The following MOB3B variants were observed in gnomAD, a reference collection of about 807,000 sequenced individuals.
MOB3B encodes the protein MOB kinase activator-like 2B.
In MOB3B, 7 loss-of-function variants were observed where a neutral mutation model predicts 18.7. The ratio of observed to expected loss-of-function variants is 0.37; its 90% CI spans 0.21 to 0.70. The LOEUF (loss-of-function observed/expected upper bound fraction) is 0.70, where lower values mean the gene tolerates loss of function less well. Ranked by LOEUF, MOB3B falls within the 30% of genes least tolerant of loss-of-function variation. The pLI, the probability that MOB3B is intolerant of heterozygous loss-of-function variation, is 0.52. For missense variants in MOB3B, 253 were observed against 281.3 expected, an observed-to-expected ratio of 0.90 and a Z score of 0.72; for synonymous variants, 111 against 99.9, an observed-to-expected ratio of 1.11 and a Z score of -0.66.
intron 1 of MOB3B, among the ~76,000 whole-genome samples, chr9:27,464,532 T>C (rs1819347011): frequency 6.6e-6 from 1 of 152,192 alleles, no homozygotes; most frequent in East Asian, 1.9e-4. Context: ...GAATAGCATA[T>C]AAATACTCTA....
At chr9:27,430,444 G>C (rs999075761) in intron 2 of MOB3B, among the ~76,000 whole-genome samples, 1 of 152,178 alleles carries the variant, frequency 6.6e-6, no homozygotes, top group Non-Finnish European at 1.5e-5. Context: ...CCTCATCTTG[G>C]AGGACCAGGC....
intron 2 of MOB3B, among the ~76,000 whole-genome samples, chr9:27,446,827 C>T (rs144867465): frequency 1.4e-4 from 21 of 152,260 alleles, no homozygotes; most frequent in African/African-American, 4.8e-4. Flanking sequence ...CTAGTAAAAT[C>T]ATCATCAGAA....
chr9:27,412,746 C>A (rs575488981), intron 2 of MOB3B, among the ~76,000 whole-genome samples: 1 of 152,320 alleles, frequency 6.6e-6, no homozygotes, highest in African/African-American at 2.4e-5. Flanking sequence ...GCGACTCCAG[C>A]CTGCTTTGAA....
intron 2 of MOB3B, among the ~76,000 whole-genome samples, chr9:27,387,169 T>C (rs1235463651): frequency 6.6e-6 from 1 of 152,250 alleles, no homozygotes; most frequent in Non-Finnish European, 1.5e-5. Context: ...CATGAATGAA[T>C]AAATGAATAA....
In MOB3B at chr9:27,481,523, T is replaced by TG. The variant is rs1344855082; in HGVS notation, c.-198-25776_-198-25775insC. Among the ~76,000 whole-genome samples the TG allele has an allele frequency of 2.1e-4, 30 of 143,854 alleles. 1 individual carries two copies. The highest frequency in any genetic ancestry group is 3.7e-4 in the Non-Finnish European group (24 of 64,964). 94.4% of individuals were successfully genotyped at this position (143,854 alleles called of 152,430 possible). On this transcript the variant is annotated intron_variant, in intron 1 of 3. Transcript: ENST00000262244. The stretch of plus-strand genomic sequence containing the variant: ...TTTTTTTTTTTTTGTTTTTTTTGTT[T>TG]TTTTTTTTTTTTGAGACGGAGTCTA...
At chr9:27,335,601 C>T (rs1484106667) in intron 3 of MOB3B, among the ~76,000 whole-genome samples, 1 of 152,190 alleles carries the variant, frequency 6.6e-6, no homozygotes, top group Non-Finnish European at 1.5e-5. Flanking sequence ...TTCTCAGGCA[C>T]TCAACCTCAT....
At chr9:27,461,658 G>A (rs531357492) in intron 1 of MOB3B, among the ~76,000 whole-genome samples, 6 of 152,316 alleles carry the variant, frequency 3.9e-5, no homozygotes, top group Admixed American at 2.6e-4. Context: ...TTCAATGGTC[G>A]TTTGAATTGC....
intron 2 of MOB3B, among the ~76,000 whole-genome samples, chr9:27,382,067 G>T (rs1220708394): frequency 2.6e-5 from 4 of 152,122 alleles, no homozygotes; most frequent in Non-Finnish European, 4.4e-5. Flanking sequence ...TCTGCTCTGT[G>T]TCTTTGAGCA....
At chr9:27,438,186 T>C (rs995923527) in intron 2 of MOB3B, among the ~76,000 whole-genome samples, 11 of 152,232 alleles carry the variant, frequency 7.2e-5, no homozygotes, top group African/African-American at 1.7e-4. Flanking sequence ...CCCTACCGTA[T>C]ACTACTGCTT....
chr9:27,525,039 T>C, intron 1 of MOB3B: 4 of 1,238,822 alleles, frequency 3.2e-6, no homozygotes, highest in Non-Finnish European at 4.4e-6. Flanking sequence ...TTTTTAAGGA[T>C]TGTTGTGCTG....
intron 2 of MOB3B, among the ~76,000 whole-genome samples, chr9:27,375,977 A>C (rs1385210168): frequency 2.0e-5 from 3 of 152,246 alleles, no homozygotes; most frequent in Admixed American, 2.0e-4. Context: ...AAAAATTAGA[A>C]AATGTTATCA....
At chr9:27,355,552 T>C (rs1466977065) in intron 3 of MOB3B, among the ~76,000 whole-genome samples, 3 of 140,268 alleles carry the variant, frequency 2.1e-5, no homozygotes, top group Non-Finnish European at 4.5e-5. Context: ...ATAGTTTTTT[T>C]CTTTTTCTTC....
At position 27,328,772 on chromosome 9, in the gene MOB3B, G is replaced by A. The variant is rs1239363353; in HGVS notation, c.*1815C>T. 6.6e-6 allele frequency: 1 copy of A among 152,550 alleles called. No individual in the cohort carries two copies. Among genetic ancestry groups the A allele is most frequent in the African/African-American group, 2.4e-5 (1 of 41,416 alleles). 9.4% of individuals were successfully genotyped at this position (152,550 alleles called of 1,614,324 possible). A position where few individuals can be genotyped will look rare whatever the true frequency, so the allele number is the denominator to read the frequency against. ...TGTATTGCAGAGGCTGGGACTTAGG[G>A]GCTCTTGTTTCTGTTCTCTGGATCT... On this transcript the variant is annotated 3_prime_UTR_variant, in exon 4 of 4. Coordinates refer to ENST00000262244, the MANE Select transcript of MOB3B (RefSeq NM_024761.5).
chr9:27,434,003 T>C (rs758450938), intron 2 of MOB3B, among the ~76,000 whole-genome samples: 1 of 152,070 alleles, frequency 6.6e-6, no homozygotes, highest in Admixed American at 6.6e-5. Flanking sequence ...CATGAGGGAA[T>C]GGAAATAGAA....
chr9:27,517,976 C>G (rs972526389), intron 1 of MOB3B, among the ~76,000 whole-genome samples: 1 of 152,096 alleles, frequency 6.6e-6, no homozygotes, highest in Non-Finnish European at 1.5e-5. Context: ...ACTTAGTCCA[C>G]CCCCTTGCTC....
chr9:27,337,619 G>T lies in MOB3B; in HGVS notation c.622-7003C>A, dbSNP rs563188237. 6.9e-4 allele frequency among the ~76,000 whole-genome samples: 105 copies of T among 152,354 alleles called. 1 individual carries two copies. Among genetic ancestry groups the T allele is most frequent in the South Asian group, 2.3e-3 (11 of 4,830 alleles). Reference sequence around the variant, plus strand: ...TGGACTGGGTAGTTTTCTTGGAGGAGTGATGAGGATGAGACCAAAGAAAAT... The same window carrying T: ...TGGACTGGGTAGTTTTCTTGGAGGATTGATGAGGATGAGACCAAAGAAAAT... On this transcript the variant is annotated intron_variant, in intron 3 of 3. Coordinates refer to ENST00000262244, the MANE Select transcript of MOB3B (RefSeq NM_024761.5).
At chr9:27,332,413 T>C (rs1820803284) in intron 3 of MOB3B, among the ~76,000 whole-genome samples, 1 of 152,356 alleles carries the variant, frequency 6.6e-6, no homozygotes, top group East Asian at 1.9e-4. Context: ...GTTCATGGGA[T>C]AAACAGAATT....
At chr9:27,522,882 A>C (rs59342431) in intron 1 of MOB3B, among the ~76,000 whole-genome samples, 8,627 of 151,888 alleles carry the variant, frequency 0.057, 411 homozygotes, top group African/African-American at 0.13. Context: ...CCCATGAAAT[A>C]AGAATTTATG....
chr9:27,513,944 A>G (rs1222636918), intron 1 of MOB3B, among the ~76,000 whole-genome samples: 4 of 151,742 alleles, frequency 2.6e-5, no homozygotes, highest in Non-Finnish European at 4.4e-5. Flanking sequence ...GGGTGGATGG[A>G]TGGAATAAAC....
Sources: gnomAD v4.1 joint callset for allele counts (sites outside exome capture counted in the v4.1 genomes callset) on GRCh38, gnomAD v4.1.1 for gene constraint, MANE v1.5 for transcripts, NCBI Gene and HGNC (gene_info 2026-07-23, HGNC 2026-07-21) for gene names.